The following VAV3 variants were observed in gnomAD, a reference collection of about 807,000 sequenced individuals.
VAV3 encodes the protein vav guanine nucleotide exchange factor 3, also known as guanine nucleotide exchange factor VAV3.
Under a neutral mutation model 131.2 loss-of-function variants are expected in VAV3, and 94 were observed. The observed-to-expected ratio is 0.72, with a 90% CI of 0.61 to 0.85. The LOEUF (loss-of-function observed/expected upper bound fraction) is 0.85. Ranked by LOEUF, VAV3 falls within the 40% of genes least tolerant of loss-of-function variation. The pLI is 0.00. For synonymous variants in VAV3, 349 were observed against 342.0 expected, an observed-to-expected ratio of 1.02 and a Z score of -0.22; for missense variants, 939 against 1,002.7, an observed-to-expected ratio of 0.94 and a Z score of 0.86.
chr1:107,573,584 T>C (rs1022204231), intron 26 of VAV3, among the ~76,000 whole-genome samples: 42 of 152,210 alleles, frequency 2.8e-4, no homozygotes, highest in African/African-American at 9.4e-4. Flanking sequence ...TCTAATCCAC[T>C]AGCACACAAA....
At position 107,573,317 on chromosome 1, in the gene VAV3, C is replaced by T; in HGVS notation, c.*14G>A. 1 of 1,613,980 alleles carries T rather than the reference C, an allele frequency of 6.2e-7. No individual in the cohort carries two copies. The highest frequency in any genetic ancestry group is 8.5e-7 in the Non-Finnish European group (1 of 1,179,990). On this transcript the variant is annotated 3_prime_UTR_variant, in exon 27 of 27. Coordinates refer to ENST00000370056, the MANE Select transcript of VAV3 (RefSeq NM_006113.5). ...CTGAAATTTTTGGTGCAGGGTGCAA[C>T]ACGGGATTTGAATTTATTCATCCTC...
At chr1:107,785,690 A>G (rs951046083) in intron 2 of VAV3, 29 of 1,101,930 alleles carry the variant, frequency 2.6e-5, no homozygotes, top group Non-Finnish European at 6.7e-6. Context: ...GGGAACTGGG[A>G]GTGTGGGCAT....
intron 15 of VAV3, among the ~76,000 whole-genome samples, chr1:107,720,507 C>T (rs56114126): frequency 0.1 from 15,485 of 148,306 alleles, 978 homozygotes; most frequent in East Asian, 0.26. Context: ...GGAGAAACCC[C>T]GTGTCTACTA....
chr1:107,738,518 C>T (rs942736285), intron 15 of VAV3, among the ~76,000 whole-genome samples: 2 of 152,148 alleles, frequency 1.3e-5, no homozygotes, highest in African/African-American at 4.8e-5. Context: ...TCAAGTATGA[C>T]TTCCTTGCCA....
chr1:107,750,803 A>C (rs1663672800), intron 13 of VAV3, among the ~76,000 whole-genome samples: 1 of 152,188 alleles, frequency 6.6e-6, no homozygotes, highest in South Asian at 2.1e-4. Flanking sequence ...AATATATTCC[A>C]AAAATTCAAT....
intron 15 of VAV3, among the ~76,000 whole-genome samples, chr1:107,707,318 C>T (rs2101859972): frequency 6.6e-6 from 1 of 152,304 alleles, no homozygotes; most frequent in Admixed American, 6.5e-5. Context: ...TGAAACTAGA[C>T]CACCTGGGCT....
At chr1:107,741,389 G>T (rs892975641) in intron 15 of VAV3, among the ~76,000 whole-genome samples, 2 of 152,158 alleles carry the variant, frequency 1.3e-5, no homozygotes, top group Non-Finnish European at 2.9e-5. Flanking sequence ...CTGACTAGCC[G>T]CTCCCTGAAG....
chr1:107,803,259 T>G (rs1666910461), intron 2 of VAV3, among the ~76,000 whole-genome samples: 1 of 152,056 alleles, frequency 6.6e-6, no homozygotes. Flanking sequence ...TTTGTCAATA[T>G]TGTTTATCTT....
intron 20 of VAV3, among the ~76,000 whole-genome samples, chr1:107,621,829 A>G (rs1483635135): frequency 6.6e-6 from 1 of 152,170 alleles, no homozygotes; most frequent in East Asian, 1.9e-4. Context: ...CTTAGGTGTC[A>G]TCTGATATAC....
intron 2 of VAV3, among the ~76,000 whole-genome samples, chr1:107,873,024 G>C (rs72689608): frequency 7.2e-5 from 11 of 152,134 alleles, no homozygotes; most frequent in Non-Finnish European, 1.2e-4. Flanking sequence ...GTTCTAAAGA[G>C]ATAGCTACTC....
intron 2 of VAV3, among the ~76,000 whole-genome samples, chr1:107,845,332 A>C (rs1668913996): frequency 6.6e-6 from 1 of 152,182 alleles, no homozygotes; most frequent in South Asian, 2.1e-4. Context: ...TAAATCCACA[A>C]AGATGAGGAA....
intron 15 of VAV3, among the ~76,000 whole-genome samples, chr1:107,709,254 C>T (rs1167535992): frequency 6.6e-6 from 1 of 152,126 alleles, no homozygotes; most frequent in African/African-American, 2.4e-5. Context: ...CCAGTCTCCT[C>T]TTTATAGTCA....
At chr1:107,576,048 C>T (rs933643422) in intron 25 of VAV3, among the ~76,000 whole-genome samples, 1 of 152,026 alleles carries the variant, frequency 6.6e-6, no homozygotes, top group South Asian at 2.1e-4. Context: ...AATACATAAA[C>T]ATTGGCTTTT....
intron 2 of VAV3, among the ~76,000 whole-genome samples, chr1:107,836,975 C>T (rs770975823): frequency 6.6e-6 from 1 of 151,776 alleles, no homozygotes; most frequent in South Asian, 2.1e-4. Context: ...TCCTGATGTA[C>T]AAAGAAAAAC....
In VAV3 at chr1:107,738,035, G is replaced by A. The variant is rs539366411; in HGVS notation, c.1502+10933C>T. Among the ~76,000 whole-genome samples, 6 of 152,324 alleles carry A rather than the reference G, an allele frequency of 3.9e-5. No homozygotes were observed. In the East Asian group the frequency reaches 1.2e-3, roughly 29 times the overall value. The stretch of plus-strand genomic sequence containing the variant: ...GAATAACTGTGCAGCCATAAAAAAG[G>A]ATGAGTTCATGTCCTTTGTAGGGAC... On this transcript the variant is annotated intron_variant, in intron 15 of 26. Transcript: ENST00000370056.
intron 2 of VAV3, among the ~76,000 whole-genome samples, chr1:107,852,394 GA>G (rs1557882617): frequency 2.0e-5 from 3 of 152,092 alleles, no homozygotes; most frequent in Non-Finnish European, 2.9e-5. Context: ...TTGTAAAATA[GA>G]AAAGGAATAA....
chr1:107,662,977 GC>G (rs1193166402), intron 19 of VAV3, among the ~76,000 whole-genome samples: 1 of 152,132 alleles, frequency 6.6e-6, no homozygotes, highest in Non-Finnish European at 1.5e-5. Flanking sequence ...TCCTCCTGAA[GC>G]TTCCCTGGGT....
chr1:107,874,788 A>G (rs1412985764), intron 2 of VAV3, 113 bp downstream of exon 2: 2 of 906,064 alleles, frequency 2.2e-6, no homozygotes, highest in African/African-American at 3.4e-5. Flanking sequence ...AAATTTAACT[A>G]TATAATGCAG....
intron 7 of VAV3, among the ~76,000 whole-genome samples, chr1:107,767,996 G>A (rs547302166): frequency 1.3e-5 from 2 of 152,322 alleles, no homozygotes; most frequent in East Asian, 3.9e-4. Flanking sequence ...ACAACTGGAA[G>A]TAGAAAGCAC....
Sources: allele counts gnomAD v4.1 joint callset (sites outside exome capture counted in the v4.1 genomes callset), GRCh38; gene constraint gnomAD v4.1.1; transcripts MANE v1.5; gene names NCBI Gene and HGNC (gene_info 2026-07-23, HGNC 2026-07-21).